The following MYRIP variants were observed in gnomAD, a reference collection of about 807,000 sequenced individuals.
MYRIP encodes rab effector MyRIP.
In MYRIP, 49 loss-of-function variants were observed where a neutral mutation model predicts 98.0. The ratio of observed to expected loss-of-function variants is 0.50; its 90% confidence interval spans 0.40 to 0.63. The LOEUF is 0.63. Ranked by LOEUF, MYRIP falls within the 30% of genes least tolerant of loss-of-function variation. MYRIP has a pLI of 0.00. For synonymous variants in MYRIP, 404 were observed against 409.5 expected, an observed-to-expected ratio of 0.99 and a Z score of 0.16; for missense variants, 1,004 against 1,058.2, an observed-to-expected ratio of 0.95 and a Z score of 0.71.
intron 2 of MYRIP, among the ~76,000 whole-genome samples, chr3:39,922,185 A>C (rs1944320089): frequency 6.6e-6 from 1 of 152,170 alleles, no homozygotes; most frequent in Admixed American, 6.5e-5. Context: ...TGGCAATACC[A>C]GTTGTCACAG....
chr3:39,904,065 A>G (rs1418339294), intron 2 of MYRIP, among the ~76,000 whole-genome samples: 1 of 152,110 alleles, frequency 6.6e-6, no homozygotes, highest in African/African-American at 2.4e-5. Context: ...GGTGTCTCTG[A>G]TAATATTTTA....
At chr3:40,216,418 GA>G (rs1333172028) in intron 11 of MYRIP, among the ~76,000 whole-genome samples, 1 of 152,136 alleles carries the variant, frequency 6.6e-6, no homozygotes, top group African/African-American at 2.4e-5. Context: ...TGTGCTCTTG[GA>G]AAACATCTCT....
At chr3:39,888,935 C>T (rs1206639325) in intron 1 of MYRIP, among the ~76,000 whole-genome samples, 6 of 151,992 alleles carry the variant, frequency 3.9e-5, no homozygotes, top group African/African-American at 7.3e-5. Flanking sequence ...AAAATGCTCA[C>T]CATCACTGGC....
intron 8 of MYRIP, among the ~76,000 whole-genome samples, chr3:40,181,742 T>C (rs1471630616): frequency 6.6e-6 from 1 of 152,230 alleles, no homozygotes; most frequent in Non-Finnish European, 1.5e-5. Flanking sequence ...TTCTGCCACT[T>C]ATCCTTAGGT....
intron 1 of MYRIP, among the ~76,000 whole-genome samples, chr3:39,849,745 A>C (rs892746552): frequency 2.0e-5 from 3 of 152,168 alleles, no homozygotes; most frequent in Non-Finnish European, 4.4e-5. Context: ...TTTCTTCTAC[A>C]GTGTAGAGAG....
chr3:39,897,538 A>G (rs904196004), intron 1 of MYRIP, among the ~76,000 whole-genome samples: 1 of 152,232 alleles, frequency 6.6e-6, no homozygotes, highest in African/African-American at 2.4e-5. Context: ...TCTGGAAGTT[A>G]GGAGCACCTG....
chr3:40,249,144 G>A (rs1381790474), intron 13 of MYRIP, among the ~76,000 whole-genome samples: 1 of 152,190 alleles, frequency 6.6e-6, no homozygotes, highest in Non-Finnish European at 1.5e-5. Context: ...GAATTGTGGA[G>A]GGCTGAGAGG....
intron 2 of MYRIP, among the ~76,000 whole-genome samples, chr3:40,007,785 A>C (rs1342820723): frequency 6.6e-6 from 1 of 152,212 alleles, no homozygotes; most frequent in African/African-American, 2.4e-5. Flanking sequence ...GAAGAGTTGC[A>C]CTTCAGTCCA....
At chr3:40,013,096 A>G (rs935613962) in intron 2 of MYRIP, among the ~76,000 whole-genome samples, 2 of 151,444 alleles carry the variant, frequency 1.3e-5, no homozygotes, top group African/African-American at 4.9e-5. Flanking sequence ...CTGCATTTCT[A>G]TTTTTCAGCC....
At chr3:40,035,127 G>T (rs1243103947) in intron 2 of MYRIP, among the ~76,000 whole-genome samples, 2 of 150,272 alleles carry the variant, frequency 1.3e-5, no homozygotes, top group African/African-American at 4.9e-5. Context: ...AATGCTAAAT[G>T]ACAAGTTAAT....
chr3:39,964,288 A>C (rs1375673276), intron 2 of MYRIP, among the ~76,000 whole-genome samples: 2 of 152,174 alleles, frequency 1.3e-5, no homozygotes, highest in East Asian at 3.8e-4. Flanking sequence ...GAAGAGTTTT[A>C]AATGGTATAC....
At chr3:40,197,437 G>A (rs1361637988) in intron 10 of MYRIP, among the ~76,000 whole-genome samples, 1 of 152,142 alleles carries the variant, frequency 6.6e-6, no homozygotes, top group African/African-American at 2.4e-5. Flanking sequence ...ACACTCTTCT[G>A]TCCTCCTAAA....
chr3:40,117,813 A>G lies in MYRIP; in HGVS notation c.333-33235A>G, dbSNP rs571717738. ...TAATTTACTTTAGAGCAAAGACTTC[A>G]GCATAAAAAATAAACCCAAATACAA... On this transcript the variant is annotated intron_variant, in intron 3 of 16. Coordinates refer to ENST00000302541, the MANE Select transcript of MYRIP (RefSeq NM_015460.4). 8.5e-5 allele frequency among the ~76,000 whole-genome samples: 13 copies of G among 152,312 alleles called. No individual in the cohort carries two copies. In the East Asian group the frequency reaches 2.5e-3, roughly 29 times the overall value.
intron 1 of MYRIP, among the ~76,000 whole-genome samples, chr3:39,841,723 A>C (rs999535715): frequency 2.0e-5 from 3 of 152,188 alleles, no homozygotes; most frequent in African/African-American, 7.2e-5. Flanking sequence ...CCTCTTCTGC[A>C]GGTCTGCTGG....
chr3:39,838,699 C>T (rs973897587), intron 1 of MYRIP, among the ~76,000 whole-genome samples: 3 of 151,910 alleles, frequency 2.0e-5, no homozygotes, highest in Admixed American at 6.6e-5. Flanking sequence ...GCCAGGTTTT[C>T]GTATCAGGAT....
At chr3:40,068,389 G>GC (rs1305333339) in intron 3 of MYRIP, among the ~76,000 whole-genome samples, 2 of 152,196 alleles carry the variant, frequency 1.3e-5, no homozygotes, top group Non-Finnish European at 2.9e-5. Context: ...GACTTTGGAT[G>GC]TTTTTCTCTG....
At chr3:39,938,072 G>C (rs1389358514) in intron 2 of MYRIP, among the ~76,000 whole-genome samples, 1 of 152,096 alleles carries the variant, frequency 6.6e-6, no homozygotes, top group Non-Finnish European at 1.5e-5. Context: ...AACTGAAACT[G>C]AACATGCCTG....
rs554148635 is a variant in MYRIP, at chr3:39,865,262, G to C, written c.-30-35525G>C. Among the ~76,000 whole-genome samples, 7 of 152,134 alleles carry C rather than the reference G, an allele frequency of 4.6e-5. 2 individuals carry two copies. Among genetic ancestry groups the C allele is most frequent in the African/African-American group, 1.7e-4 (7 of 41,530 alleles). The stretch of plus-strand genomic sequence containing the variant: ...AACCTGGCAAAGATTTTATGACAAA[G>C]ATACTAAAAGCACTTGCAACAGAAA... On this transcript the variant is annotated intron_variant, in intron 1 of 16. Coordinates refer to ENST00000302541, the MANE Select transcript of MYRIP (RefSeq NM_015460.4).
chr3:40,056,298 A>G (rs6809231), intron 3 of MYRIP, among the ~76,000 whole-genome samples: 44,305 of 152,084 alleles, frequency 0.29, 6,528 homozygotes, highest in East Asian at 0.36. Context: ...CAACTTCACT[A>G]TCAGTTTTCC....
Sources: gnomAD v4.1 joint callset for allele counts (sites outside exome capture counted in the v4.1 genomes callset) on GRCh38, gnomAD v4.1.1 for gene constraint, MANE v1.5 for transcripts, NCBI Gene and HGNC (gene_info 2026-07-23, HGNC 2026-07-21) for gene names.